The following CTNNA1 variants were observed in gnomAD, a reference collection of about 807,000 sequenced individuals.
The protein encoded by CTNNA1 is catenin alpha 1.
In CTNNA1, 37 loss-of-function variants were observed where a neutral mutation model predicts 98.4. The ratio of observed to expected loss-of-function variants is 0.38; its 90% CI spans 0.29 to 0.49. The LOEUF (loss-of-function observed/expected upper bound fraction) is 0.49, where lower values mean the gene tolerates loss of function less well. Ranked by LOEUF, CTNNA1 falls within the 20% of genes least tolerant of loss-of-function variation. CTNNA1 has a pLI of 0.95. For missense variants in CTNNA1, 761 were observed against 1,147.2 expected, an observed-to-expected ratio of 0.66 and a Z score of 4.86; for synonymous variants, 404 against 413.2, an observed-to-expected ratio of 0.98 and a Z score of 0.27.
chr5:138,922,579 TAC>T (rs1198504224), intron 11 of CTNNA1, among the ~76,000 whole-genome samples: 1 of 152,226 alleles, frequency 6.6e-6, no homozygotes, highest in African/African-American at 2.4e-5. Flanking sequence ...TGTTCATGGG[TAC>T]AGATTGTTGT....
At chr5:138,910,163 T>C (rs1346777493) in intron 10 of CTNNA1, among the ~76,000 whole-genome samples, 1 of 151,014 alleles carries the variant, frequency 6.6e-6, no homozygotes, top group African/African-American at 2.4e-5. Flanking sequence ...GCTCTTTTCA[T>C]AAGGCTTGCC....
At chr5:138,833,988 T>C (rs1033431044) in intron 7 of CTNNA1, among the ~76,000 whole-genome samples, 3 of 152,212 alleles carry the variant, frequency 2.0e-5, no homozygotes, top group Non-Finnish European at 4.4e-5. Context: ...AAGTATAAAA[T>C]TTTAATTCGA....
intron 1 of CTNNA1, among the ~76,000 whole-genome samples, chr5:138,775,729 T>G (rs1021223809): frequency 1.4e-5 from 2 of 142,258 alleles, no homozygotes; most frequent in African/African-American, 5.3e-5. Flanking sequence ...TTTTTTTTTT[T>G]TTTTTTTTTT....
intron 5 of CTNNA1, among the ~76,000 whole-genome samples, chr5:138,822,003 G>T (rs1760095531): frequency 6.6e-6 from 1 of 152,146 alleles, no homozygotes; most frequent in Non-Finnish European, 1.5e-5. Context: ...GGCAAGAGCA[G>T]TTCTAAAGAG....
intron 8 of CTNNA1, 86 bp downstream of exon 8, chr5:138,886,378 T>C: frequency 7.5e-7 from 1 of 1,340,652 alleles, no homozygotes; most frequent in Non-Finnish European, 1.0e-6. Context: ...TGGCCTTATA[T>C]TTTTTTATTG....
intron 17 of CTNNA1, chr5:138,932,953 C>A (rs1561781542): frequency 2.6e-6 from 2 of 770,928 alleles, no homozygotes; most frequent in Non-Finnish European, 4.7e-6. Context: ...GCTGGCCACT[C>A]ACTGGGTAGG....
chr5:138,763,391 T>G (rs189645694), intron 1 of CTNNA1, among the ~76,000 whole-genome samples: 1 of 152,362 alleles, frequency 6.6e-6, no homozygotes, highest in East Asian at 1.9e-4. Context: ...GAATATTTCA[T>G]TAGATTCAAT....
intron 9 of CTNNA1, among the ~76,000 whole-genome samples, chr5:138,891,746 G>A (rs908759209): frequency 3.3e-5 from 5 of 152,060 alleles, no homozygotes; most frequent in Non-Finnish European, 4.4e-5. Flanking sequence ...GTGACAGAGC[G>A]AGACGCCGTC....
intron 1 of CTNNA1, among the ~76,000 whole-genome samples, chr5:138,769,195 T>C (rs995722426): frequency 5.3e-5 from 8 of 151,956 alleles, no homozygotes; most frequent in African/African-American, 1.7e-4. Context: ...CCTGGCTCCT[T>C]CTTGTTTTCC....
chr5:138,915,493 C>T (rs1017204332), intron 10 of CTNNA1, among the ~76,000 whole-genome samples: 12 of 152,186 alleles, frequency 7.9e-5, no homozygotes, highest in African/African-American at 2.7e-4. Flanking sequence ...TAAAATGGTA[C>T]AGCCACTTTA....
intron 9 of CTNNA1, among the ~76,000 whole-genome samples, chr5:138,895,141 A>G (rs938095629): frequency 6.6e-6 from 1 of 152,186 alleles, no homozygotes; most frequent in African/African-American, 2.4e-5. Flanking sequence ...CTCAGCAACT[A>G]CTAGATGAGG....
rs184649187 is a variant in CTNNA1 at position 138,934,757 on chromosome 5, C to T, written c.*668C>T. ...TCAGAACACACTTTTTTTCCTCTTT[C>T]TCCCAGCTTCAAATGCAAATTCATC... is the stretch of plus-strand genomic sequence containing the variant. On this transcript the variant is annotated 3_prime_UTR_variant, in exon 18 of 18. Transcript: ENST00000302763. The T allele has an allele frequency of 1.3e-4, 20 of 152,734 alleles. No individual in the cohort carries two copies. In the East Asian group the frequency reaches 3.7e-3, roughly 28 times the overall value. The allele number at this position is 152,734 out of a possible 1,614,324, so 9.5% of individuals were successfully genotyped here.
intron 7 of CTNNA1, among the ~76,000 whole-genome samples, chr5:138,849,783 T>C (rs1763028979): frequency 6.6e-6 from 1 of 152,224 alleles, no homozygotes; most frequent in African/African-American, 2.4e-5. Context: ...GTTGTTGAAC[T>C]GAGATCCTTA....
chr5:138,802,324 A>T (rs1281517444), intron 3 of CTNNA1, among the ~76,000 whole-genome samples: 1 of 152,142 alleles, frequency 6.6e-6, no homozygotes, highest in Non-Finnish European at 1.5e-5. Flanking sequence ...ATGCATAGAC[A>T]AAAGTATTTA....
At chr5:138,823,651 C>G (rs940088180) in intron 5 of CTNNA1, among the ~76,000 whole-genome samples, 1 of 152,132 alleles carries the variant, frequency 6.6e-6, no homozygotes, top group African/African-American at 2.4e-5. Flanking sequence ...TTTCACAAAA[C>G]TCTTACAATA....
intron 7 of CTNNA1, among the ~76,000 whole-genome samples, chr5:138,839,370 T>C (rs573779780): frequency 5.3e-5 from 8 of 152,144 alleles, no homozygotes; most frequent in South Asian, 4.1e-4. Context: ...CTGGCTAATT[T>C]CTGTATTTTT....
chr5:138,848,961 A>T (rs570639034), intron 7 of CTNNA1, among the ~76,000 whole-genome samples: 2 of 152,222 alleles, frequency 1.3e-5, no homozygotes, highest in East Asian at 3.9e-4. Flanking sequence ...TGACCTCATG[A>T]TATGCCTGCC....
At chr5:138,910,508 T>C (rs1166554617) in intron 10 of CTNNA1, among the ~76,000 whole-genome samples, 1 of 152,008 alleles carries the variant, frequency 6.6e-6, no homozygotes, top group African/African-American at 2.4e-5. Flanking sequence ...TTTAATTTGC[T>C]CCTTTTCTAG....
chr5:138,898,073 G>C (rs1334711091), intron 9 of CTNNA1, among the ~76,000 whole-genome samples: 1 of 152,100 alleles, frequency 6.6e-6, no homozygotes, highest in Non-Finnish European at 1.5e-5. Flanking sequence ...AAGGTGTTTG[G>C]ATCTGTCATA....
Sources: gnomAD v4.1 joint callset for allele counts (sites outside exome capture counted in the v4.1 genomes callset) on GRCh38, gnomAD v4.1.1 for gene constraint, MANE v1.5 for transcripts, NCBI Gene and HGNC (gene_info 2026-07-23, HGNC 2026-07-21) for gene names.